Variants in CTNNA2 observed in about 807,000 individuals in gnomAD.
CTNNA2 encodes catenin alpha 2.
CTNNA2 carries 42 observed loss-of-function variants against 101.0 expected under a neutral mutation model. The observed-to-expected ratio is 0.42, with a 90% CI of 0.32 to 0.54. The LOEUF is 0.54. CTNNA2 is among the 20% of genes least tolerant of loss of function. The pLI, the probability that CTNNA2 is intolerant of heterozygous loss-of-function variation, is 0.14. For synonymous variants in CTNNA2, 450 were observed against 456.4 expected (o/e 0.99, Z 0.18); for missense variants, 871 against 1,223.1 (o/e 0.71, Z 4.29).
intron 4 of CTNNA2, among the ~76,000 whole-genome samples, chr2:79,459,498 A>T (rs1558671135): frequency 6.6e-6 from 1 of 152,174 alleles, no homozygotes; most frequent in Non-Finnish European, 1.5e-5. Flanking sequence ...GCTACAATCA[A>T]CTTGGATAAA....
At chr2:79,559,233 T>C (rs1674623283) in intron 1 of CTNNA2, among the ~76,000 whole-genome samples, 1 of 151,922 alleles carries the variant, frequency 6.6e-6, no homozygotes, top group Non-Finnish European at 1.5e-5. Flanking sequence ...GGAATTAGAC[T>C]ATCAGAGGGT....
chr2:80,064,239 T>C lies in CTNNA2; in HGVS notation c.1056+154442T>C, dbSNP rs534756076. Among the ~76,000 whole-genome samples the C allele has an allele frequency of 1.1e-4, 16 of 152,330 alleles. 1 individual carries two copies. The highest frequency in any genetic ancestry group is 1.0e-3 in the Admixed American group (16 of 15,306). ...CCAATATTCATGTGCAGAATAGTCA[T>C]GTGGTAACTTGTTCAAAATGATGGA... On this transcript the variant is annotated intron_variant, in intron 7 of 18. Coordinates refer to ENST00000402739, the MANE Select transcript of CTNNA2 (RefSeq NM_001282597.3).
intron 12 of CTNNA2, among the ~76,000 whole-genome samples, chr2:80,569,711 C>T (rs1369486255): frequency 5.3e-5 from 7 of 131,566 alleles, no homozygotes; most frequent in Admixed American, 2.7e-4. Context: ...GGCACCACCT[C>T]GGCTCACTGC....
chr2:79,394,323 T>C (rs749012631), intron 4 of CTNNA2, among the ~76,000 whole-genome samples: 4 of 152,206 alleles, frequency 2.6e-5, no homozygotes, highest in Non-Finnish European at 5.9e-5. Flanking sequence ...GCTTAGACTG[T>C]ATATTGCATC....
intron 1 of CTNNA2, among the ~76,000 whole-genome samples, chr2:79,637,635 T>G (rs1680163917): frequency 6.6e-6 from 1 of 152,210 alleles, no homozygotes; most frequent in African/African-American, 2.4e-5. Flanking sequence ...AGGTCAAAAA[T>G]GGCCCCTAAA....
At chr2:79,455,002 C>T (rs1344444933) in intron 4 of CTNNA2, among the ~76,000 whole-genome samples, 1 of 152,034 alleles carries the variant, frequency 6.6e-6, no homozygotes, top group Non-Finnish European at 1.5e-5. Flanking sequence ...AACACAGTGC[C>T]TCAATGGTAG....
At chr2:79,648,341 C>T (rs1201960678) in intron 1 of CTNNA2, among the ~76,000 whole-genome samples, 1 of 152,196 alleles carries the variant, frequency 6.6e-6, no homozygotes, top group Non-Finnish European at 1.5e-5. Context: ...CATACTAGAA[C>T]TCTGGAGGCA....
intron 1 of CTNNA2, among the ~76,000 whole-genome samples, chr2:79,195,683 T>C: frequency 6.6e-6 from 1 of 152,144 alleles, no homozygotes; most frequent in Non-Finnish European, 1.5e-5. Context: ...CCTTAATACA[T>C]TTATCCCTTC....
chr2:79,810,408 C>A (rs750682983), intron 3 of CTNNA2, among the ~76,000 whole-genome samples: 1 of 151,994 alleles, frequency 6.6e-6, no homozygotes, highest in Non-Finnish European at 1.5e-5. Context: ...CCCCATGATT[C>A]ATTTATCTCC....
chr2:79,734,496 A>G (rs1687391696), intron 2 of CTNNA2, among the ~76,000 whole-genome samples: 1 of 152,148 alleles, frequency 6.6e-6, no homozygotes, highest in African/African-American at 2.4e-5. Flanking sequence ...TATTTTGTAT[A>G]TGTTAAACTG....
At chr2:79,444,766 T>C (rs1678813784) in intron 4 of CTNNA2, among the ~76,000 whole-genome samples, 1 of 152,126 alleles carries the variant, frequency 6.6e-6, no homozygotes, top group Admixed American at 6.6e-5. Flanking sequence ...GGAGCATCAA[T>C]GTCTCTGCAA....
At chr2:80,542,885 C>CA (rs1691701925) in intron 9 of CTNNA2, among the ~76,000 whole-genome samples, 2 of 151,932 alleles carry the variant, frequency 1.3e-5, no homozygotes, top group African/African-American at 4.8e-5. Context: ...TTTTCCCCCC[C>CA]CCACATGCCA....
chr2:80,154,562 A>G (rs1001372928), intron 7 of CTNNA2, among the ~76,000 whole-genome samples: 9 of 151,750 alleles, frequency 5.9e-5, no homozygotes, highest in Middle Eastern at 3.4e-3. Context: ...GTCATACTCT[A>G]TTAGGTCTTT....
intron 4 of CTNNA2, among the ~76,000 whole-genome samples, chr2:79,377,148 T>C (rs887111770): frequency 2.6e-5 from 4 of 152,046 alleles, no homozygotes; most frequent in African/African-American, 9.7e-5. Flanking sequence ...CCAGCACCTG[T>C]TGTTTCCTCA....
chr2:80,442,092 T>C (rs756045268), intron 9 of CTNNA2, among the ~76,000 whole-genome samples: 6 of 152,344 alleles, frequency 3.9e-5, no homozygotes, highest in Non-Finnish European at 7.3e-5. Context: ...ATATGACAAC[T>C]CCTCATTTAT....
chr2:80,002,914 T>C (rs1020208598), intron 7 of CTNNA2, among the ~76,000 whole-genome samples: 2 of 152,174 alleles, frequency 1.3e-5, no homozygotes, highest in African/African-American at 2.4e-5. Context: ...TAAATGCTCC[T>C]CCTGCCTGTG....
At chr2:79,931,798 A>G (rs1197688445) in intron 7 of CTNNA2, among the ~76,000 whole-genome samples, 1 of 152,152 alleles carries the variant, frequency 6.6e-6, no homozygotes, top group African/African-American at 2.4e-5. Flanking sequence ...CAAAGGCAAT[A>G]CAGGCAAGCA....
At chr2:79,749,678 C>T (rs1334782018) in intron 3 of CTNNA2, among the ~76,000 whole-genome samples, 1 of 152,138 alleles carries the variant, frequency 6.6e-6, no homozygotes, top group Non-Finnish European at 1.5e-5. Flanking sequence ...GCTAAGATAT[C>T]CAACTTCTAA....
intron 4 of CTNNA2, among the ~76,000 whole-genome samples, chr2:79,489,783 A>C (rs766689961): frequency 9.2e-5 from 14 of 152,172 alleles, no homozygotes; most frequent in Non-Finnish European, 1.9e-4. Context: ...GCAATTTCTC[A>C]ATAACTAGGC....
Sources: gnomAD v4.1 joint callset for allele counts (sites outside exome capture counted in the v4.1 genomes callset) on GRCh38, gnomAD v4.1.1 for gene constraint, MANE v1.5 for transcripts, NCBI Gene and HGNC (gene_info 2026-07-23, HGNC 2026-07-21) for gene names.